The following WDR70 variants were observed in gnomAD, a reference collection of about 807,000 sequenced individuals.
WDR70 encodes the protein WD repeat domain 70, also known as WD repeat-containing protein 70.
In WDR70, 53 loss-of-function variants were observed where a neutral mutation model predicts 88.6. That is an observed-to-expected ratio of 0.60 (90% confidence interval 0.48 to 0.75). The LOEUF is 0.75. Ranked by LOEUF, WDR70 falls within the 30% of genes least tolerant of loss-of-function variation. The pLI is 0.00. For missense variants in WDR70, 610 were observed against 823.2 expected (o/e 0.74, Z 3.17); for synonymous variants, 280 against 270.0 (o/e 1.04, Z -0.36).
intron 5 of WDR70, among the ~76,000 whole-genome samples, chr5:37,416,267 G>T (rs561327693): frequency 2.3e-4 from 35 of 152,208 alleles, no homozygotes; most frequent in African/African-American, 8.4e-4. Flanking sequence ...CCGGCACCTC[G>T]GGAGGCCGAG....
At chr5:37,743,786 C>G (rs1748560478) in intron 17 of WDR70, among the ~76,000 whole-genome samples, 1 of 152,206 alleles carries the variant, frequency 6.6e-6, no homozygotes, top group African/African-American at 2.4e-5. Context: ...GCCTGAGCCC[C>G]TAGCAGGAGG....
intron 10 of WDR70, among the ~76,000 whole-genome samples, chr5:37,647,270 C>T (rs536951787): frequency 7.2e-5 from 11 of 152,256 alleles, no homozygotes; most frequent in East Asian, 3.9e-4. Context: ...TGAATTCCTT[C>T]TCTGTGTTAT....
At chr5:37,528,334 A>G (rs1230601069) in intron 9 of WDR70, among the ~76,000 whole-genome samples, 1 of 152,208 alleles carries the variant, frequency 6.6e-6, no homozygotes, top group African/African-American at 2.4e-5. Context: ...TTGTATGGAC[A>G]TGGATGAAGC....
chr5:37,616,970 T>A (rs1581438612), intron 10 of WDR70, among the ~76,000 whole-genome samples: 3 of 152,360 alleles, frequency 2.0e-5, no homozygotes, highest in Admixed American at 2.0e-4. Context: ...TATGTAGTGA[T>A]GCCTATTTGC....
intron 9 of WDR70, among the ~76,000 whole-genome samples, chr5:37,565,167 G>A (rs939041552): frequency 7.2e-5 from 11 of 152,064 alleles, no homozygotes; most frequent in Non-Finnish European, 1.2e-4. Context: ...TATAAGGTGG[G>A]AATAAGAAGG....
intron 9 of WDR70, among the ~76,000 whole-genome samples, chr5:37,550,896 T>C (rs1317149342): frequency 6.6e-6 from 1 of 152,186 alleles, no homozygotes; most frequent in Non-Finnish European, 1.5e-5. Flanking sequence ...TTGTATGTTT[T>C]TTTGGTTTGA....
intron 13 of WDR70, among the ~76,000 whole-genome samples, chr5:37,710,455 A>G (rs1192824977): frequency 6.6e-6 from 1 of 152,182 alleles, no homozygotes; most frequent in Non-Finnish European, 1.5e-5. Flanking sequence ...CATATAAATC[A>G]GCGGTCCCCA....
intron 9 of WDR70, among the ~76,000 whole-genome samples, chr5:37,551,305 C>A (rs1281277974): frequency 6.7e-6 from 1 of 149,296 alleles, no homozygotes; most frequent in Non-Finnish European, 1.5e-5. Flanking sequence ...AACTTTGTTC[C>A]CCCCCTCCGC....
At chr5:37,380,065 A>C (rs1230586604) in intron 2 of WDR70, among the ~76,000 whole-genome samples, 1 of 152,232 alleles carries the variant, frequency 6.6e-6, no homozygotes, top group African/African-American at 2.4e-5. Context: ...AACACAGAGT[A>C]GGTATTATTA....
chr5:37,437,228 A>C (rs1217667982), intron 5 of WDR70, among the ~76,000 whole-genome samples: 1 of 152,208 alleles, frequency 6.6e-6, no homozygotes, highest in Non-Finnish European at 1.5e-5. Flanking sequence ...CCAATGAATC[A>C]GTGAATGATT....
chr5:37,722,839 CT>C lies in WDR70; in HGVS notation c.1518-12del, dbSNP rs1289714171. ...AAGACCAAGTAAAGAAAATAATTTG[CT>C]TTTACACCCGTTAGGGGAGCAAAAT... On this transcript the variant is annotated splice_polypyrimidine_tract_variant and intron_variant, in intron 14 of 17. Coordinates refer to ENST00000265107, the MANE Select transcript of WDR70 (RefSeq NM_018034.4). 10 of 1,612,602 alleles carry C rather than the reference CT, an allele frequency of 6.2e-6. No homozygotes were observed. Among genetic ancestry groups the C allele is most frequent in the Middle Eastern group, 1.6e-4 (1 of 6,068 alleles).
intron 9 of WDR70, among the ~76,000 whole-genome samples, chr5:37,524,332 T>G (rs957082876): frequency 3.9e-5 from 6 of 152,126 alleles, no homozygotes; most frequent in African/African-American, 1.2e-4. Context: ...TATTCAACAT[T>G]CTTAAAGAAA....
At chr5:37,467,512 G>T (rs904096125) in intron 7 of WDR70, among the ~76,000 whole-genome samples, 14 of 149,270 alleles carry the variant, frequency 9.4e-5, no homozygotes, top group Admixed American at 8.2e-4. Context: ...CTCACTTTGG[G>T]GGTTAGGGCT....
intron 14 of WDR70, 22 bp downstream of exon 14, chr5:37,721,237 T>C (rs755097109): frequency 1.2e-6 from 2 of 1,603,000 alleles, no homozygotes; most frequent in South Asian, 1.1e-5. Flanking sequence ...GTATTGCCTG[T>C]TTTAGATGGA....
chr5:37,628,473 T>A (rs1744728729), intron 10 of WDR70, among the ~76,000 whole-genome samples: 1 of 152,208 alleles, frequency 6.6e-6, no homozygotes, highest in Non-Finnish European at 1.5e-5. Flanking sequence ...TAACGTACTT[T>A]TTTGTCACTT....
At chr5:37,424,527 G>A (rs1305980535) in intron 5 of WDR70, among the ~76,000 whole-genome samples, 1 of 150,872 alleles carries the variant, frequency 6.6e-6, no homozygotes, top group Admixed American at 6.7e-5. Flanking sequence ...ACCTCTGCTT[G>A]CTGAGTAGCT....
chr5:37,701,083 C>A lies in WDR70; in HGVS notation c.1218C>A (p.Asp406Glu), dbSNP rs563080695. ...RGGDDSLKLW[D>E]IRQFNKPLFS... ...GTGACGATTCATTAAAATTATGGGA[C>A]ATCCGACAATTTAATAAACCACTTT... is the stretch of plus-strand genomic sequence containing the variant. The change falls in exon 12 of 18, where the codon GAC (aspartate) becomes GAA (glutamate). Residue 406 changes from aspartate to glutamate, a missense_variant. Asp to Glu is a conservative substitution (Grantham distance 45, BLOSUM62 2). This residue lies in a region of WDR70 where 254 missense variants were observed against 300.7 expected (regional missense o/e 0.84). Transcript: ENST00000265107. 1.9e-6 allele frequency: 3 copies of A among 1,611,806 alleles called. No individual in the cohort carries two copies. Among genetic ancestry groups the A allele is most frequent in the Non-Finnish European group, 8.5e-7 (1 of 1,178,126 alleles).
At chr5:37,424,332 A>C (rs1053969993) in intron 5 of WDR70, among the ~76,000 whole-genome samples, 23 of 150,584 alleles carry the variant, frequency 1.5e-4, no homozygotes, top group African/African-American at 5.6e-4. Context: ...TACTAGATGG[A>C]TCTTATTGAC....
intron 11 of WDR70, among the ~76,000 whole-genome samples, chr5:37,699,324 T>C (rs1747073399): frequency 9.9e-6 from 1 of 101,438 alleles, no homozygotes; most frequent in African/African-American, 4.2e-5. Flanking sequence ...TACTTTCCTT[T>C]CCATCATACA....
Sources: allele counts gnomAD v4.1 joint callset (sites outside exome capture counted in the v4.1 genomes callset), GRCh38; gene constraint gnomAD v4.1.1; regional missense constraint gnomAD v4.1.1; transcripts MANE v1.5; gene names NCBI Gene and HGNC (gene_info 2026-07-23, HGNC 2026-07-21).